Variants in CAPN9 observed in about 807,000 individuals in gnomAD.
CAPN9 encodes calpain-9.
CAPN9 carries 81 observed loss-of-function variants against 92.8 expected under a neutral mutation model. That is an observed-to-expected ratio of 0.87 (90% CI 0.73 to 1.05). The LOEUF is 1.05. CAPN9 is among the 50% of genes least tolerant of loss of function. The pLI, the probability that CAPN9 is intolerant of heterozygous loss-of-function variation, is 0.00. For synonymous variants in CAPN9, 304 were observed against 328.0 expected (o/e 0.93, Z 0.79); for missense variants, 848 against 866.2 (o/e 0.98, Z 0.26).
chr1:230,762,099 C>A (rs1024565832), intron 3 of CAPN9, among the ~76,000 whole-genome samples: 2 of 152,222 alleles, frequency 1.3e-5, no homozygotes, highest in African/African-American at 4.8e-5. Flanking sequence ...ACACTCCACT[C>A]ATGTCTCCTC....
intron 12 of CAPN9, chr1:230,786,228 G>C: frequency 2.1e-6 from 2 of 947,406 alleles, no homozygotes; most frequent in Non-Finnish European, 2.5e-6. Context: ...TGGGAGTGAG[G>C]TGGGTGCTTG....
At chr1:230,757,621 C>A (rs1462705452) in intron 2 of CAPN9, among the ~76,000 whole-genome samples, 1 of 151,516 alleles carries the variant, frequency 6.6e-6, no homozygotes, top group Non-Finnish European at 1.5e-5. Flanking sequence ...AGTGCTCACA[C>A]CTGTAATCGC....
intron 18 of CAPN9, among the ~76,000 whole-genome samples, chr1:230,797,078 T>C (rs1482887024): frequency 6.6e-6 from 1 of 152,178 alleles, no homozygotes; most frequent in Non-Finnish European, 1.5e-5. Context: ...CATTACAATC[T>C]CCAGGGGTGC....
intron 1 of CAPN9, among the ~76,000 whole-genome samples, chr1:230,753,867 T>TCCC (rs1665028727): frequency 4.2e-5 from 2 of 47,230 alleles, no homozygotes; most frequent in East Asian, 5.4e-4. Flanking sequence ...CCTCCCTCCC[T>TCCC]TTGTTTAGGT....
At position 230,770,814 on chromosome 1, in the gene CAPN9, C is replaced by T. The variant is rs533201245; in HGVS notation, c.790-1200C>T. ...CAGTACTTAGAAGGTGCAGATGCACCTGGTCTTCTGTAGCCACCCACCTTT... is the reference window on the plus strand; with the variant it reads ...CAGTACTTAGAAGGTGCAGATGCACTTGGTCTTCTGTAGCCACCCACCTTT... On this transcript the variant is annotated intron_variant, in intron 6 of 19. Transcript: ENST00000271971. Among the ~76,000 whole-genome samples, 4 of 152,314 alleles carry T rather than the reference C, an allele frequency of 2.6e-5. No homozygotes were observed. The East Asian group carries it at 7.7e-4, about 29-fold the overall frequency.
At chr1:230,795,498 A>G (rs902425422) in intron 18 of CAPN9, 4 of 479,520 alleles carry the variant, frequency 8.3e-6, no homozygotes, top group Admixed American at 6.8e-5. Flanking sequence ...TTCTTTATAC[A>G]TTCACAGTGC....
At chr1:230,796,512 A>G (rs1668370558) in intron 18 of CAPN9, among the ~76,000 whole-genome samples, 1 of 152,118 alleles carries the variant, frequency 6.6e-6, no homozygotes, top group Non-Finnish European at 1.5e-5. Flanking sequence ...AAGCTCCAGG[A>G]GAGCCGTAAT....
intron 2 of CAPN9, among the ~76,000 whole-genome samples, chr1:230,758,385 C>T (rs1326602413): frequency 6.6e-6 from 1 of 152,128 alleles, no homozygotes; most frequent in African/African-American, 2.4e-5. Context: ...ACAAACGATC[C>T]TGCAGGTTCC....
chr1:230,772,744 CTTTT>C (rs10602900), intron 7 of CAPN9, among the ~76,000 whole-genome samples: 2 of 138,896 alleles, frequency 1.4e-5, no homozygotes, highest in Non-Finnish European at 1.5e-5. Flanking sequence ...GACCCCATCT[CTTTT>C]TTTTTTTTTT....
intron 8 of CAPN9, among the ~76,000 whole-genome samples, chr1:230,777,587 C>A (rs1666896428): frequency 6.6e-6 from 1 of 152,032 alleles, no homozygotes; most frequent in African/African-American, 2.4e-5. Context: ...CTCAAGTGAC[C>A]AACCCAGCTC....
chr1:230,777,867 G>C (rs1039830991), intron 8 of CAPN9, among the ~76,000 whole-genome samples: 2 of 152,088 alleles, frequency 1.3e-5, no homozygotes, highest in African/African-American at 4.8e-5. Flanking sequence ...TAACCTGTTA[G>C]CACTGAGGTG....
intron 5 of CAPN9, among the ~76,000 whole-genome samples, chr1:230,768,259 C>G (rs1666138066): frequency 6.6e-6 from 1 of 151,918 alleles, no homozygotes; most frequent in Non-Finnish European, 1.5e-5. Flanking sequence ...AAATAAAACA[C>G]AAGTTTTTAT....
At chr1:230,759,679 T>C (rs371122837) in intron 3 of CAPN9, 49 bp downstream of exon 3, 48 of 1,196,448 alleles carry the variant, frequency 4.0e-5, no homozygotes, top group Non-Finnish European at 4.8e-5. Flanking sequence ...GGGCCCGGCA[T>C]GAGGGCAGGT....
chr1:230,783,644 T>C (rs1421986140), intron 11 of CAPN9, among the ~76,000 whole-genome samples: 6 of 152,232 alleles, frequency 3.9e-5, no homozygotes, highest in South Asian at 2.1e-4. Flanking sequence ...GTAAAGCCAA[T>C]TGAACCTCTT....
At chr1:230,778,594 A>T (rs1666985483) in intron 8 of CAPN9, among the ~76,000 whole-genome samples, 1 of 151,644 alleles carries the variant, frequency 6.6e-6, no homozygotes, top group Non-Finnish European at 1.5e-5. Context: ...ATCTGCCTAG[A>T]CCCCCAGAGA....
chr1:230,792,375 G>T, intron 15 of CAPN9, 51 bp from the exon 16 acceptor site: 6 of 1,511,666 alleles, frequency 4.0e-6, no homozygotes, highest in Non-Finnish European at 5.5e-6. Flanking sequence ...GTCCCACGAG[G>T]AGCCTCAGGT....
chr1:230,762,187 T>A (rs1016692278), intron 3 of CAPN9, among the ~76,000 whole-genome samples: 1 of 152,176 alleles, frequency 6.6e-6, no homozygotes, highest in African/African-American at 2.4e-5. Flanking sequence ...GCTCCACTTA[T>A]GGGCGAGGAG....
At chr1:230,749,665 A>G (rs2102820514) in intron 1 of CAPN9, among the ~76,000 whole-genome samples, 1 of 152,280 alleles carries the variant, frequency 6.6e-6, no homozygotes, top group South Asian at 2.1e-4. Context: ...CTCTACAGGC[A>G]CTTGATATGA....
chr1:230,800,217 AAATAAG>A lies in CAPN9; in HGVS notation c.2047-1350_2047-1345del, dbSNP rs1211385915. 4.5e-4 allele frequency among the ~76,000 whole-genome samples: 40 copies of A among 88,912 alleles called. 3 individuals are homozygous for A. The highest frequency in any genetic ancestry group is 9.4e-4 in the Non-Finnish European group (36 of 38,164). The allele number at this position is 88,912 out of a possible 152,430, so 58.3% of individuals were successfully genotyped here. ...GAAGGAAAAGAAAGAAAAGAAAGAA[AAATAAG>A]AAAGAAAGAAGAAAGAAAGAAAGAA... is the stretch of plus-strand genomic sequence containing the variant. On this transcript the variant is annotated intron_variant, in intron 19 of 19. Coordinates refer to ENST00000271971, the MANE Select transcript of CAPN9 (RefSeq NM_006615.3).
Sources: allele counts gnomAD v4.1 joint callset (sites outside exome capture counted in the v4.1 genomes callset), GRCh38; gene constraint gnomAD v4.1.1; transcripts MANE v1.5; gene names NCBI Gene and HGNC (gene_info 2026-07-23, HGNC 2026-07-21).